LRRC69: variants seen among roughly 807,000 people sequenced by gnomAD.
LRRC69 encodes the protein leucine rich repeat containing 69.
Under a neutral mutation model 37.8 loss-of-function variants are expected in LRRC69, and 42 were observed. The ratio of observed to expected loss-of-function variants is 1.11; its 90% CI spans 0.87 to 1.44. The LOEUF (loss-of-function observed/expected upper bound fraction) is 1.44, where lower values mean the gene tolerates loss of function less well. LRRC69 is among the 40% of genes most tolerant of loss of function. The probability of loss-of-function intolerance (pLI) is 0.00; values close to 1 mark genes in which losing one functional copy is unlikely to be tolerated. For synonymous variants in LRRC69, 141 were observed against 143.1 expected (o/e 0.99, Z 0.11); for missense variants, 357 against 401.9 (o/e 0.89, Z 0.96).
intron 7 of LRRC69, among the ~76,000 whole-genome samples, chr8:91,209,921 C>G (rs917635734): frequency 6.6e-6 from 1 of 152,074 alleles, no homozygotes; most frequent in Non-Finnish European, 1.5e-5. Context: ...TTACTGAGTT[C>G]TTACTATATG....
intron 5 of LRRC69, among the ~76,000 whole-genome samples, chr8:91,160,331 A>T (rs1404432334): frequency 1.3e-5 from 2 of 150,250 alleles, no homozygotes; most frequent in Non-Finnish European, 3.0e-5. Context: ...AGATAATGTC[A>T]TCTGCAAATA....
intron 1 of LRRC69, among the ~76,000 whole-genome samples, chr8:91,123,053 G>T (rs1309402277): frequency 6.6e-6 from 1 of 152,100 alleles, no homozygotes; most frequent in Non-Finnish European, 1.5e-5. Context: ...GCCATTGCTG[G>T]CTTTAAAGGG....
intron 3 of LRRC69, among the ~76,000 whole-genome samples, chr8:91,129,134 A>G: frequency 6.6e-6 from 1 of 152,036 alleles, no homozygotes; most frequent in East Asian, 1.9e-4. Context: ...AGAGTTTTAC[A>G]CCTAAACAGC....
At chr8:91,142,959 C>A (rs1194952579) in intron 5 of LRRC69, among the ~76,000 whole-genome samples, 2 of 152,026 alleles carry the variant, frequency 1.3e-5, no homozygotes, top group African/African-American at 4.8e-5. Context: ...TTCTTGTATA[C>A]TCTGAAAAAT....
intron 7 of LRRC69, among the ~76,000 whole-genome samples, chr8:91,215,909 CACAAATAGAAAT>C (rs1810037401): frequency 6.6e-6 from 1 of 151,946 alleles, no homozygotes; most frequent in Non-Finnish European, 1.5e-5. Flanking sequence ...GCAATAATGC[CACAAATAGAAAT>C]ACAAATTTAA....
At position 91,113,972 on chromosome 8, in the gene LRRC69, C is replaced by CAAAAAAA. The variant is rs34806474; in HGVS notation, c.184-10505_184-10499dup. On this transcript the variant is annotated intron_variant, in intron 1 of 7. Transcript: ENST00000448384. ...CTCCACAACATTGCGAGACTTGTCT[C>CAAAAAAA]AAAAAAAAAAAAAAAAAAAAAAGGT... Among the ~76,000 whole-genome samples the CAAAAAAA allele has an allele frequency of 4.7e-3, 283 of 60,210 alleles. 9 individuals are homozygous for CAAAAAAA. Among genetic ancestry groups the CAAAAAAA allele is most frequent in the East Asian group, 0.012 (16 of 1,386 alleles). 39.5% of individuals were successfully genotyped at this position (60,210 alleles called of 152,430 possible).
chr8:91,154,628 A>G (rs943560311), intron 5 of LRRC69, among the ~76,000 whole-genome samples: 4 of 151,972 alleles, frequency 2.6e-5, no homozygotes, highest in Non-Finnish European at 5.9e-5. Context: ...CAAAAACCCC[A>G]TGATTATCTC....
At position 91,201,772 on chromosome 8, in the gene LRRC69, A is replaced by G. The variant is rs550695830; in HGVS notation, c.933+980A>G. Among the ~76,000 whole-genome samples the G allele has an allele frequency of 6.4e-4, 98 of 152,340 alleles. 1 individual carries two copies. The highest frequency in any genetic ancestry group is 2.3e-3 in the African/African-American group (96 of 41,580). ...CAGCTGCAGTTTCTGCCATTCTGAA[A>G]ATTGTCATCTAGTGAAGGAGACAAA... On this transcript the variant is annotated intron_variant, in intron 7 of 7. Transcript: ENST00000448384.
chr8:91,151,750 C>T (rs969952951), intron 5 of LRRC69, among the ~76,000 whole-genome samples: 3 of 151,714 alleles, frequency 2.0e-5, no homozygotes, highest in African/African-American at 7.2e-5. Flanking sequence ...AACTAATTTA[C>T]ATTCCCACCA....
intron 5 of LRRC69, chr8:91,158,839 T>C (rs528254003): frequency 1.0e-5 from 7 of 676,502 alleles, no homozygotes; most frequent in African/African-American, 7.2e-5. Flanking sequence ...AGAATGTTAC[T>C]TTGGAATGAC....
intron 7 of LRRC69, among the ~76,000 whole-genome samples, chr8:91,208,821 C>A (rs908361734): frequency 6.6e-6 from 1 of 152,098 alleles, no homozygotes; most frequent in African/African-American, 2.4e-5. Flanking sequence ...CTATCTAGAT[C>A]GAAGCTCCGT....
intron 5 of LRRC69, chr8:91,158,597 T>G (rs1220548088): frequency 2.1e-6 from 3 of 1,404,620 alleles, no homozygotes; most frequent in African/African-American, 2.8e-5. Flanking sequence ...ATAGTTCTGA[T>G]GTCTTTGACA....
intron 5 of LRRC69, among the ~76,000 whole-genome samples, chr8:91,143,299 G>A (rs1808562107): frequency 6.6e-6 from 1 of 151,990 alleles, no homozygotes; most frequent in African/African-American, 2.4e-5. Flanking sequence ...TTATAGTTTG[G>A]GAGTGAAACT....
intron 7 of LRRC69, among the ~76,000 whole-genome samples, chr8:91,210,566 C>CACAG (rs1356845997): frequency 2.4e-5 from 1 of 41,756 alleles, no homozygotes; most frequent in African/African-American, 5.8e-5. Context: ...CACACAGACA[C>CACAG]ACACACACAC....
chr8:91,119,552 T>G (rs2130494856), intron 1 of LRRC69, among the ~76,000 whole-genome samples: 1 of 152,200 alleles, frequency 6.6e-6, no homozygotes, highest in Admixed American at 6.5e-5. Flanking sequence ...GACCATGTGG[T>G]TATCCAGATA....
At chr8:91,129,133 C>T (rs186274853) in intron 3 of LRRC69, among the ~76,000 whole-genome samples, 13 of 152,128 alleles carry the variant, frequency 8.5e-5, no homozygotes, top group African/African-American at 3.1e-4. Context: ...AAGAGTTTTA[C>T]ACCTAAACAG....
intron 1 of LRRC69, among the ~76,000 whole-genome samples, chr8:91,111,696 A>G (rs988562959): frequency 2.0e-5 from 3 of 151,942 alleles, no homozygotes; most frequent in Non-Finnish European, 4.4e-5. Context: ...GCATGGACAC[A>G]TAGAGGGGAA....
intron 5 of LRRC69, among the ~76,000 whole-genome samples, chr8:91,145,666 C>T (rs1808607840): frequency 1.3e-5 from 2 of 151,590 alleles, no homozygotes; most frequent in African/African-American, 2.4e-5. Flanking sequence ...AATGGAAACC[C>T]CTTGTGGGTT....
At chr8:91,192,325 CAG>C (rs1258518336) in intron 6 of LRRC69, among the ~76,000 whole-genome samples, 1 of 151,978 alleles carries the variant, frequency 6.6e-6, no homozygotes, top group African/African-American at 2.4e-5. Context: ...TGTGTCTTTA[CAG>C]CAGCATGATT....
Sources: allele counts gnomAD v4.1 joint callset (sites outside exome capture counted in the v4.1 genomes callset), GRCh38; gene constraint gnomAD v4.1.1; transcripts MANE v1.5; gene names NCBI Gene and HGNC (gene_info 2026-07-23, HGNC 2026-07-21).